AFF1: variants seen among roughly 807,000 people sequenced by gnomAD.
AFF1 encodes the protein ALF transcription elongation factor 1, also known as AF4/FMR2 family member 1.
In AFF1, 48 loss-of-function variants were observed where a neutral mutation model predicts 121.7. That is an observed-to-expected ratio of 0.39 (90% CI 0.31 to 0.50). The LOEUF is 0.50. AFF1 is among the 20% of genes least tolerant of loss of function. The pLI is 0.76. For missense variants in AFF1, 1,523 were observed against 1,511.7 expected (o/e 1.01, Z -0.12); for synonymous variants, 613 against 563.0 (o/e 1.09, Z -1.26).
chr4:87,015,421 C>T (rs1025430437), intron 2 of AFF1, among the ~76,000 whole-genome samples: 2 of 152,174 alleles, frequency 1.3e-5, no homozygotes, highest in Admixed American at 1.3e-4. Context: ...TGAGGTTTTG[C>T]AACCTAAAAA....
intron 4 of AFF1, among the ~76,000 whole-genome samples, chr4:87,083,388 G>C (rs3755988): frequency 6.6e-6 from 1 of 152,186 alleles, no homozygotes; most frequent in East Asian, 1.9e-4. Flanking sequence ...TGTATAAAGT[G>C]AAATGCTGAC....
intron 2 of AFF1, among the ~76,000 whole-genome samples, chr4:86,961,156 A>G (rs78071750): frequency 1.3e-5 from 2 of 152,170 alleles, no homozygotes; most frequent in African/African-American, 4.8e-5. Flanking sequence ...CCCTGCCTTC[A>G]TGAGTACAGA....
intron 4 of AFF1, among the ~76,000 whole-genome samples, chr4:87,073,118 A>C (rs955417885): frequency 6.6e-6 from 1 of 152,058 alleles, no homozygotes; most frequent in East Asian, 1.9e-4. Flanking sequence ...GAAAAGCAAA[A>C]TACTTCCTTA....
intron 2 of AFF1, among the ~76,000 whole-genome samples, chr4:86,980,934 C>T (rs1013757670): frequency 7.2e-6 from 1 of 139,610 alleles, no homozygotes; most frequent in Non-Finnish European, 1.5e-5. Context: ...CAGCACTTTG[C>T]GAGGCTTGAG....
intron 2 of AFF1, among the ~76,000 whole-genome samples, chr4:86,986,332 G>A (rs551951481): frequency 6.6e-6 from 1 of 152,012 alleles, no homozygotes; most frequent in Non-Finnish European, 1.5e-5. Flanking sequence ...TTGGCCTCCC[G>A]TAGTGCTGTG....
chr4:86,950,961 T>C (rs949493938), intron 2 of AFF1, among the ~76,000 whole-genome samples: 1 of 152,242 alleles, frequency 6.6e-6, no homozygotes, highest in Non-Finnish European at 1.5e-5. Flanking sequence ...CTGGCACTTG[T>C]ACGATTTCAT....
intron 2 of AFF1, among the ~76,000 whole-genome samples, chr4:86,996,687 TC>T (rs1725236553): frequency 6.6e-6 from 1 of 150,948 alleles, no homozygotes; most frequent in Admixed American, 6.6e-5. Flanking sequence ...CCCTGCCAAA[TC>T]CCCCTCTGTG....
intron 12 of AFF1, among the ~76,000 whole-genome samples, chr4:87,123,589 T>TAA (rs1447441636): frequency 1.3e-5 from 2 of 152,218 alleles, no homozygotes; most frequent in Non-Finnish European, 2.9e-5. Flanking sequence ...CATAAATGAA[T>TAA]AAAAGTGTCT....
At chr4:86,974,815 C>T (rs554810868) in intron 2 of AFF1, among the ~76,000 whole-genome samples, 3 of 152,152 alleles carry the variant, frequency 2.0e-5, no homozygotes, top group Non-Finnish European at 4.4e-5. Flanking sequence ...AAACGGGCGT[C>T]GTAATACAAA....
chr4:87,046,382 A>G, intron 3 of AFF1, 96 bp downstream of exon 3: 2 of 1,436,016 alleles, frequency 1.4e-6, no homozygotes, highest in Non-Finnish European at 1.9e-6. Context: ...AACAAGGGTC[A>G]CAGCTGTGAA....
At chr4:87,031,873 T>C (rs539038132) in intron 2 of AFF1, among the ~76,000 whole-genome samples, 38 of 152,354 alleles carry the variant, frequency 2.5e-4, no homozygotes, top group Non-Finnish European at 5.0e-4. Flanking sequence ...CTCAAGTGTA[T>C]GTCTTTCTTA....
At chr4:87,045,414 T>C (rs1730577613) in intron 2 of AFF1, among the ~76,000 whole-genome samples, 1 of 152,110 alleles carries the variant, frequency 6.6e-6, no homozygotes, top group African/African-American at 2.4e-5. Flanking sequence ...ACTGCACTAC[T>C]TTTGGTCTCC....
At chr4:86,963,639 G>C (rs1161989645) in intron 2 of AFF1, among the ~76,000 whole-genome samples, 1 of 152,152 alleles carries the variant, frequency 6.6e-6, no homozygotes, top group East Asian at 1.9e-4. Flanking sequence ...TCCATTTGAA[G>C]TTTAAAGGGG....
At chr4:87,060,676 T>TAA in intron 4 of AFF1, among the ~76,000 whole-genome samples, 1 of 151,510 alleles carries the variant, frequency 6.6e-6, no homozygotes, top group Non-Finnish European at 1.5e-5. Flanking sequence ...CCATCTCTAC[T>TAA]AAAAATACAA....
chr4:86,984,926 A>C (rs1724085229), intron 2 of AFF1, among the ~76,000 whole-genome samples: 4 of 151,914 alleles, frequency 2.6e-5, no homozygotes, highest in Non-Finnish European at 2.9e-5. Context: ...ATCTAAAAAA[A>C]TAAAAATAAA....
chr4:87,094,873 A>G, intron 7 of AFF1, 42 bp from the exon 8 acceptor site: 4 of 1,592,314 alleles, frequency 2.5e-6, no homozygotes, highest in Non-Finnish European at 3.4e-6. Context: ...GATCTTGTAA[A>G]TATGTGTCAT....
At chr4:87,112,333 T>C (rs1407098726) in intron 11 of AFF1, among the ~76,000 whole-genome samples, 4 of 152,142 alleles carry the variant, frequency 2.6e-5, no homozygotes, top group African/African-American at 9.7e-5. Flanking sequence ...CTTCCCTCCC[T>C]CTCTGCCCTT....
chr4:86,996,643 A>C (rs977070577), intron 2 of AFF1, among the ~76,000 whole-genome samples: 6 of 151,908 alleles, frequency 3.9e-5, no homozygotes, highest in African/African-American at 1.5e-4. Context: ...TCACTTGTTT[A>C]TCTGCTGACC....
Position 87,114,544 on chromosome 4 carries a change from C to G in AFF1, c.1711C>G (p.Pro571Ala), listed in dbSNP as rs143168567. Residue 571 changes from proline (P) to alanine (A), a missense_variant, in exon 12 of 21, where the codon CCT becomes GCT. By Grantham distance (27) the Pro-to-Ala change is conservative. This residue lies in a region of AFF1 where 905 missense variants were observed against 842.5 expected (regional missense o/e 1.07). Transcript: ENST00000395146. Reference protein sequence around the residue: ...QEHSESKDPPPKSSSKAPRAP... With the variant: ...QEHSESKDPPAKSSSKAPRAP... ...GCATTCTGAATCCAAAGATCCTCCC[C>G]CTAAAAGCTCCAGCAAAGCCCCCCG... is the stretch of plus-strand genomic sequence containing the variant. 247 of 1,611,596 alleles carry G rather than the reference C, an allele frequency of 1.5e-4. No individual in the cohort carries two copies. In the East Asian group the frequency reaches 5.4e-3, roughly 35 times the overall value.
Sources: allele counts gnomAD v4.1 joint callset (sites outside exome capture counted in the v4.1 genomes callset), GRCh38; gene constraint gnomAD v4.1.1; regional missense constraint gnomAD v4.1.1; transcripts MANE v1.5; gene names NCBI Gene and HGNC (gene_info 2026-07-23, HGNC 2026-07-21).